The following PPM1L variants were observed in gnomAD, a reference collection of about 807,000 sequenced individuals.
PPM1L encodes protein phosphatase 1L.
Under a neutral mutation model 31.4 loss-of-function variants are expected in PPM1L, and 13 were observed. That is an observed-to-expected ratio of 0.41 (90% CI 0.27 to 0.66). The LOEUF is 0.66. Ranked by LOEUF, PPM1L falls within the 30% of genes least tolerant of loss-of-function variation. The probability of loss-of-function intolerance (pLI) is 0.29; values close to 1 mark genes in which losing one functional copy is unlikely to be tolerated. For synonymous variants in PPM1L, 184 were observed against 175.4 expected, an observed-to-expected ratio of 1.05 and a Z score of -0.39; for missense variants, 326 against 453.7, an observed-to-expected ratio of 0.72 and a Z score of 2.56.
Position 161,074,098 on chromosome 3 carries a change from A to C in PPM1L, c.*4941A>C, listed in dbSNP as rs1720026465. On this transcript the variant is annotated 3_prime_UTR_variant, in exon 4 of 4. Coordinates refer to ENST00000498165, the MANE Select transcript of PPM1L (RefSeq NM_139245.4). Reference sequence around the variant, plus strand: ...CTTTTGAAATTTTAACGATTTTTAAAACTAATGATCTGTTATATAATAACT... The same window carrying C: ...CTTTTGAAATTTTAACGATTTTTAACACTAATGATCTGTTATATAATAACT... The C allele has an allele frequency of 6.6e-6, 1 of 152,250 alleles. No homozygotes were observed. Among genetic ancestry groups the C allele is most frequent in the Non-Finnish European group, 1.5e-5 (1 of 68,050 alleles). 9.4% of individuals were successfully genotyped at this position (152,250 alleles called of 1,614,324 possible). A position where few individuals can be genotyped will look rare whatever the true frequency, so the allele number is the denominator to read the frequency against.
In PPM1L at chr3:160,973,353, C is replaced by G. The variant is rs1429251064; in HGVS notation, c.574+11443C>G. ...GTATACTTCAAAGAAAATAATTGGA[C>G]CAGGTGGTCATACTTTAGAGTACAT... On this transcript the variant is annotated intron_variant, in intron 2 of 3. Coordinates refer to ENST00000498165, the MANE Select transcript of PPM1L (RefSeq NM_139245.4). Among the ~76,000 whole-genome samples the G allele has an allele frequency of 2.6e-5, 4 of 152,116 alleles. No individual in the cohort carries two copies. The South Asian group carries it at 8.3e-4, about 31-fold the overall frequency.
intron 1 of PPM1L, among the ~76,000 whole-genome samples, chr3:160,935,309 T>C (rs2108082488): frequency 6.6e-6 from 1 of 152,358 alleles, no homozygotes; most frequent in Admixed American, 6.5e-5. Flanking sequence ...TCTGTTGCTC[T>C]TATCTCCACC....
chr3:160,869,114 C>G (rs1712205303), intron 1 of PPM1L, among the ~76,000 whole-genome samples: 1 of 152,156 alleles, frequency 6.6e-6, no homozygotes, highest in Non-Finnish European at 1.5e-5. Flanking sequence ...CCTTGCTTTC[C>G]TCATCTGCAC....
chr3:161,014,328 A>G (rs1252762095), intron 2 of PPM1L, among the ~76,000 whole-genome samples: 5 of 152,166 alleles, frequency 3.3e-5, no homozygotes, highest in African/African-American at 9.7e-5. Context: ...TTCAAATACA[A>G]TATATCATTT....
chr3:160,883,515 A>G (rs1380646726), intron 1 of PPM1L, among the ~76,000 whole-genome samples: 1 of 152,114 alleles, frequency 6.6e-6, no homozygotes, highest in African/African-American at 2.4e-5. Context: ...CCCAGAATAC[A>G]CTTTGAGAAA....
At chr3:161,028,731 G>A (rs9850546) in intron 2 of PPM1L, among the ~76,000 whole-genome samples, 6 of 151,954 alleles carry the variant, frequency 3.9e-5, no homozygotes, top group African/African-American at 1.2e-4. Context: ...CAACAAAAAG[G>A]CTCTCCCGGG....
At chr3:160,888,262 AT>A (rs1249586704) in intron 1 of PPM1L, among the ~76,000 whole-genome samples, 1 of 152,240 alleles carries the variant, frequency 6.6e-6, no homozygotes, top group African/African-American at 2.4e-5. Flanking sequence ...GTCAAGACCC[AT>A]TAGCGTGCCA....
At chr3:160,909,302 A>G (rs1257493707) in intron 1 of PPM1L, among the ~76,000 whole-genome samples, 2 of 152,176 alleles carry the variant, frequency 1.3e-5, no homozygotes, top group African/African-American at 4.8e-5. Flanking sequence ...GAACATAGAT[A>G]TAAGACATCA....
At chr3:160,772,006 G>A (rs1348446720) in intron 1 of PPM1L, among the ~76,000 whole-genome samples, 1 of 152,026 alleles carries the variant, frequency 6.6e-6, no homozygotes, top group Non-Finnish European at 1.5e-5. Flanking sequence ...GGTACCTTCA[G>A]GCCTGACCTG....
rs531562786 is a variant in PPM1L, at chr3:160,944,831, CAT to C, written c.400-16898_400-16897del. ...TATAACATATATATGTTATATATAA[CAT>C]ATATATGTTATATATAACATATATT... On this transcript the variant is annotated intron_variant, in intron 1 of 3. Coordinates refer to ENST00000498165, the MANE Select transcript of PPM1L (RefSeq NM_139245.4). Among the ~76,000 whole-genome samples, 8 of 20,746 alleles carry C rather than the reference CAT, an allele frequency of 3.9e-4. 1 individual carries two copies. The highest frequency in any genetic ancestry group is 7.2e-4 in the African/African-American group (6 of 8,358). 13.6% of individuals were successfully genotyped at this position (20,746 alleles called of 152,430 possible).
At chr3:160,949,067 T>G (rs998097891) in intron 1 of PPM1L, among the ~76,000 whole-genome samples, 4 of 152,178 alleles carry the variant, frequency 2.6e-5, no homozygotes, top group Non-Finnish European at 4.4e-5. Context: ...ATCTGCGTTT[T>G]TAAAGAAGGC....
intron 2 of PPM1L, among the ~76,000 whole-genome samples, chr3:161,023,813 AT>A (rs954803670): frequency 2.6e-5 from 4 of 151,028 alleles, no homozygotes; most frequent in African/African-American, 9.8e-5. Context: ...TGCATTTCTT[AT>A]TTTTTTTCAC....
chr3:160,801,401 G>C (rs575065939), intron 1 of PPM1L, among the ~76,000 whole-genome samples: 1 of 152,262 alleles, frequency 6.6e-6, no homozygotes, highest in South Asian at 2.1e-4. Context: ...ATGTGTTGGA[G>C]GACTAGAGAA....
intron 2 of PPM1L, among the ~76,000 whole-genome samples, chr3:160,966,636 C>T (rs2108112475): frequency 6.6e-6 from 1 of 152,162 alleles, no homozygotes; most frequent in East Asian, 1.9e-4. Context: ...CATTTGTCTG[C>T]ATTTTATATT....
chr3:160,869,736 G>T (rs544776408), intron 1 of PPM1L, among the ~76,000 whole-genome samples: 1 of 152,078 alleles, frequency 6.6e-6, no homozygotes, highest in Non-Finnish European at 1.5e-5. Flanking sequence ...GTGTGTGTGT[G>T]TGTGTGTACA....
chr3:161,041,013 A>G (rs1248959601), intron 2 of PPM1L, among the ~76,000 whole-genome samples: 1 of 152,176 alleles, frequency 6.6e-6, no homozygotes, highest in Non-Finnish European at 1.5e-5. Context: ...GTTACCTAAG[A>G]GTCTAGCACC....
At position 161,000,758 on chromosome 3, in the gene PPM1L, G is replaced by C. The variant is rs1381035217; in HGVS notation, c.574+38848G>C. 2.0e-5 allele frequency among the ~76,000 whole-genome samples: 3 copies of C among 152,142 alleles called. No individual in the cohort carries two copies. The East Asian group carries it at 5.8e-4, about 29-fold the overall frequency. ...CAATTAGAAATTATCATTTGATCCTGAGTTCACTGGAATCATTTTAGAAAT... is the reference window on the plus strand; with the variant it reads ...CAATTAGAAATTATCATTTGATCCTCAGTTCACTGGAATCATTTTAGAAAT... On this transcript the variant is annotated intron_variant, in intron 2 of 3. Transcript: ENST00000498165.
chr3:160,902,203 C>T (rs188949625), intron 1 of PPM1L, among the ~76,000 whole-genome samples: 2 of 152,188 alleles, frequency 1.3e-5, no homozygotes, highest in African/African-American at 2.4e-5. Context: ...GATTACAATG[C>T]CCACTTCTAC....
intron 1 of PPM1L, chr3:160,882,127 G>A (rs1469829739): frequency 2.0e-5 from 3 of 151,824 alleles, no homozygotes; most frequent in East Asian, 1.9e-4. Context: ...CCTCATATAC[G>A]TTGTTGAATA....
Sources: allele counts gnomAD v4.1 joint callset (sites outside exome capture counted in the v4.1 genomes callset), GRCh38; gene constraint gnomAD v4.1.1; transcripts MANE v1.5; gene names NCBI Gene and HGNC (gene_info 2026-07-23, HGNC 2026-07-21).